DGKB: variants seen among roughly 807,000 people sequenced by gnomAD.
The protein encoded by DGKB is diacylglycerol kinase beta, also known as 90 kDa diacylglycerol kinase.
DGKB carries 67 observed loss-of-function variants against 114.3 expected under a neutral mutation model. That is an observed-to-expected ratio of 0.59 (90% CI 0.48 to 0.72). DGKB has a LOEUF of 0.72. DGKB is among the 30% of genes least tolerant of loss of function. The probability of loss-of-function intolerance (pLI) is 0.00; values close to 1 mark genes in which losing one functional copy is unlikely to be tolerated. For synonymous variants in DGKB, 398 were observed against 323.1 expected (o/e 1.23, Z -2.49); for missense variants, 907 against 975.2 (o/e 0.93, Z 0.93).
At chr7:14,325,897 T>C (rs1178173607) in intron 23 of DGKB, among the ~76,000 whole-genome samples, 1 of 152,168 alleles carries the variant, frequency 6.6e-6, no homozygotes, top group East Asian at 1.9e-4. Context: ...GCTTTGTGCA[T>C]ATTTTAAATT....
chr7:14,761,588 A>T (rs1185413704), intron 2 of DGKB, among the ~76,000 whole-genome samples: 1 of 152,208 alleles, frequency 6.6e-6, no homozygotes, highest in Non-Finnish European at 1.5e-5. Flanking sequence ...CCTGCCTTCT[A>T]GGACAAAATA....
chr7:14,677,237 T>C (rs1466751989), intron 12 of DGKB, among the ~76,000 whole-genome samples: 1 of 151,758 alleles, frequency 6.6e-6, no homozygotes, highest in East Asian at 1.9e-4. Flanking sequence ...GAGAAGAAAA[T>C]GGGATCTGAG....
At chr7:14,970,053 A>G (rs1045061138) in intron 1 of DGKB, among the ~76,000 whole-genome samples, 1 of 152,188 alleles carries the variant, frequency 6.6e-6, no homozygotes, top group Non-Finnish European at 1.5e-5. Flanking sequence ...ACTGTATTTG[A>G]AAGTGAAAAT....
intron 20 of DGKB, among the ~76,000 whole-genome samples, chr7:14,486,236 C>T (rs62443470): frequency 6.6e-6 from 1 of 152,060 alleles, no homozygotes; most frequent in Non-Finnish European, 1.5e-5. Flanking sequence ...AGTAGCTATA[C>T]ACTGGGAGAA....
chr7:14,970,205 A>G (rs978594839), intron 1 of DGKB, among the ~76,000 whole-genome samples: 1 of 152,180 alleles, frequency 6.6e-6, no homozygotes, highest in African/African-American at 2.4e-5. Context: ...GGCTGCTACC[A>G]ATGATGATAA....
At chr7:14,583,910 G>T (rs1800325257) in intron 17 of DGKB, among the ~76,000 whole-genome samples, 1 of 152,138 alleles carries the variant, frequency 6.6e-6, no homozygotes. Context: ...AGAAATTTTG[G>T]TATGTTATGT....
intron 1 of DGKB, among the ~76,000 whole-genome samples, chr7:14,852,886 C>G (rs1257079057): frequency 2.0e-5 from 3 of 152,128 alleles, no homozygotes; most frequent in Non-Finnish European, 4.4e-5. Context: ...CAGTGAAAAA[C>G]TCCTTTCCCA....
intron 17 of DGKB, among the ~76,000 whole-genome samples, chr7:14,588,479 T>C (rs116351483): frequency 0.022 from 3,409 of 152,126 alleles, 147 homozygotes; most frequent in African/African-American, 0.078. Context: ...GTTTTACTTT[T>C]GACATAGAAA....
intron 6 of DGKB, among the ~76,000 whole-genome samples, chr7:14,706,897 A>G (rs1240454974): frequency 1.5e-5 from 2 of 133,064 alleles, no homozygotes; most frequent in African/African-American, 5.8e-5. Flanking sequence ...TAACATCACA[A>G]TTAAAAGAAC....
intron 20 of DGKB, among the ~76,000 whole-genome samples, chr7:14,507,700 C>A (rs957975596): frequency 6.6e-6 from 1 of 152,108 alleles, no homozygotes. Context: ...TAGTATGCTA[C>A]GTCTTGCAGC....
At chr7:14,455,431 T>C (rs1263620145) in intron 21 of DGKB, among the ~76,000 whole-genome samples, 1 of 152,046 alleles carries the variant, frequency 6.6e-6, no homozygotes, top group African/African-American at 2.4e-5. Context: ...AAATCTCTTT[T>C]TATTTTATCT....
chr7:14,660,243 C>G (rs1035347381), intron 13 of DGKB, among the ~76,000 whole-genome samples: 1 of 151,898 alleles, frequency 6.6e-6, no homozygotes. Context: ...TGATGCTGGC[C>G]TCATCAAATG....
At chr7:14,316,128 A>T (rs910517326) in intron 23 of DGKB, among the ~76,000 whole-genome samples, 4 of 151,794 alleles carry the variant, frequency 2.6e-5, no homozygotes, top group African/African-American at 9.7e-5. Context: ...GGATGCATTC[A>T]AAGCAGTGTG....
intron 1 of DGKB, among the ~76,000 whole-genome samples, chr7:14,877,407 T>C (rs1214056569): frequency 6.6e-6 from 1 of 152,086 alleles, no homozygotes; most frequent in Admixed American, 6.5e-5. Context: ...AATAAAAAAT[T>C]AGCCAAGTGT....
At chr7:14,723,037 T>A (rs1829459091) in intron 5 of DGKB, among the ~76,000 whole-genome samples, 1 of 137,152 alleles carries the variant, frequency 7.3e-6, no homozygotes, top group African/African-American at 3.4e-5. Context: ...TTTTTTTTCT[T>A]TTGCCCTTTC....
intron 23 of DGKB, among the ~76,000 whole-genome samples, chr7:14,321,956 T>A (rs1383404989): frequency 6.6e-6 from 1 of 152,218 alleles, no homozygotes; most frequent in Non-Finnish European, 1.5e-5. Context: ...GTCCCTAAAC[T>A]GATCAATGTA....
At chr7:14,877,523 C>T (rs1445037286) in intron 1 of DGKB, among the ~76,000 whole-genome samples, 3 of 152,132 alleles carry the variant, frequency 2.0e-5, no homozygotes. Flanking sequence ...CCATTGCACT[C>T]CAGCCCGGGG....
intron 1 of DGKB, among the ~76,000 whole-genome samples, chr7:14,874,343 T>G (rs1000418714): frequency 1.3e-5 from 2 of 152,046 alleles, no homozygotes; most frequent in African/African-American, 4.8e-5. Flanking sequence ...GAGAGACAAG[T>G]TAGTTGATAG....
At chr7:14,163,490 T>C (rs527778179) in intron 25 of DGKB, among the ~76,000 whole-genome samples, 3 of 152,326 alleles carry the variant, frequency 2.0e-5, no homozygotes, top group Admixed American at 6.5e-5. Flanking sequence ...TTTAAAATTG[T>C]AAATTTATGC....
Sources: allele counts gnomAD v4.1 joint callset (sites outside exome capture counted in the v4.1 genomes callset), GRCh38; gene constraint gnomAD v4.1.1; transcripts MANE v1.5; gene names NCBI Gene and HGNC (gene_info 2026-07-23, HGNC 2026-07-21).